The following RIMS4 variants were observed in gnomAD, a reference collection of about 807,000 sequenced individuals.
The protein encoded by RIMS4 is regulating synaptic membrane exocytosis protein 4.
A neutral mutation model predicts 29.0 loss-of-function variants in RIMS4; 9 were observed. That is an observed-to-expected ratio of 0.31 (90% confidence interval 0.19 to 0.54). The LOEUF (loss-of-function observed/expected upper bound fraction) is 0.54. Among genes scored for constraint, RIMS4 ranks in the 20% least tolerant of loss-of-function variants. The pLI is 0.94. For missense variants in RIMS4, 193 were observed against 365.7 expected (o/e 0.53, Z 3.85); for synonymous variants, 130 against 152.9 (o/e 0.85, Z 1.10).
chr20:44,760,124 C>T lies in RIMS4; in HGVS notation c.237-1940G>A, dbSNP rs1035567739. Among the ~76,000 whole-genome samples the T allele has an allele frequency of 9.4e-4, 143 of 152,300 alleles. 4 individuals carry two copies. The highest frequency in any genetic ancestry group is 5.2e-4 in the Admixed American group (8 of 15,302). ...CTATCCTGCCCCGAAACAGACAAAC[C>T]CTCAGCCTGGGAGAGCAGAGGAAGT... On this transcript the variant is annotated intron_variant, in intron 2 of 5. Transcript: ENST00000372851.
Position 44,756,039 on chromosome 20 carries a change from C to T in RIMS4, c.*95G>A. On this transcript the variant is annotated 3_prime_UTR_variant, in exon 6 of 6. Coordinates refer to ENST00000372851, the MANE Select transcript of RIMS4 (RefSeq NM_182970.4). The surrounding 1 kb of genome is among the most constrained non-coding windows in gnomAD (Gnocchi z 5.9). ...TGCTTCCCCACTGTGGGGGAGAGCCCCGTCCTCCTGTTCAATGTGCCCCTG... is the reference window on the plus strand; with the variant it reads ...TGCTTCCCCACTGTGGGGGAGAGCCTCGTCCTCCTGTTCAATGTGCCCCTG... The T allele has an allele frequency of 1.0e-6, 1 of 994,180 alleles. No individual in the cohort carries two copies. Among genetic ancestry groups the T allele is most frequent in the African/African-American group, 1.6e-5 (1 of 61,912 alleles). The allele number at this position is 994,180 out of a possible 1,614,324, so 61.6% of individuals were successfully genotyped here. A position where few individuals can be genotyped will look rare whatever the true frequency, so the allele number is the denominator to read the frequency against.
chr20:44,790,765 T>C (rs1038561340), intron 1 of RIMS4, among the ~76,000 whole-genome samples: 1 of 152,166 alleles, frequency 6.6e-6, no homozygotes, highest in South Asian at 2.1e-4. Context: ...AGACAGAACC[T>C]ACAAATTCTC....
At chr20:44,769,807 C>T (rs1176883029) in intron 2 of RIMS4, among the ~76,000 whole-genome samples, 1 of 152,212 alleles carries the variant, frequency 6.6e-6, no homozygotes, top group Non-Finnish European at 1.5e-5. Context: ...AAGCCCCCAG[C>T]TGAGGGGCAG....
chr20:44,793,056 G>T (rs1291113411), intron 1 of RIMS4, among the ~76,000 whole-genome samples: 1 of 152,116 alleles, frequency 6.6e-6, no homozygotes, highest in Non-Finnish European at 1.5e-5. Flanking sequence ...CCACCAGGAT[G>T]GGGGTAGGGA....
intron 2 of RIMS4, among the ~76,000 whole-genome samples, chr20:44,768,743 T>C (rs1007633914): frequency 6.6e-6 from 1 of 152,176 alleles, no homozygotes; most frequent in Non-Finnish European, 1.5e-5. Context: ...CTCAAGCCTT[T>C]TAGTAATCGT....
At chr20:44,762,389 A>G (rs1186176969) in intron 2 of RIMS4, among the ~76,000 whole-genome samples, 10 of 151,972 alleles carry the variant, frequency 6.6e-5, no homozygotes, top group Admixed American at 6.5e-4. Context: ...CCAGCCATCT[A>G]GGGGGCCAGC....
chr20:44,760,340 C>T (rs2066078792), intron 2 of RIMS4, among the ~76,000 whole-genome samples: 1 of 152,190 alleles, frequency 6.6e-6, no homozygotes, highest in Non-Finnish European at 1.5e-5. Context: ...ACAGAAATGG[C>T]TACTTGGGCT....
chr20:44,794,235 A>G (rs1415330802), intron 1 of RIMS4, among the ~76,000 whole-genome samples: 3 of 152,216 alleles, frequency 2.0e-5, no homozygotes, highest in African/African-American at 7.2e-5. Context: ...CAACAGATGT[A>G]CCAACCACTT....
chr20:44,774,360 A>G (rs1168452196), intron 1 of RIMS4, among the ~76,000 whole-genome samples: 1 of 152,140 alleles, frequency 6.6e-6, no homozygotes, highest in Non-Finnish European at 1.5e-5. Flanking sequence ...GGAGATTAAC[A>G]TTTGAGTCAG....
chr20:44,762,793 CG>C (rs1369511652), intron 2 of RIMS4, among the ~76,000 whole-genome samples: 1 of 152,154 alleles, frequency 6.6e-6, no homozygotes. Context: ...AATCCAACTG[CG>C]GGTCTTCCCT....
At chr20:44,764,278 C>T (rs987805286) in intron 2 of RIMS4, among the ~76,000 whole-genome samples, 23 of 135,198 alleles carry the variant, frequency 1.7e-4, no homozygotes, top group African/African-American at 5.4e-4. Context: ...ACCAAGCCTA[C>T]AATGCAATCA....
intron 3 of RIMS4, 82 bp downstream of exon 3, chr20:44,757,989 AG>A: frequency 9.0e-7 from 1 of 1,107,978 alleles, no homozygotes; most frequent in South Asian, 1.4e-5. Context: ...CAACAGGCAA[AG>A]GGGAAGGAGG....
chr20:44,756,122 C>G lies in RIMS4; in HGVS notation c.*12G>C. On this transcript the variant is annotated 3_prime_UTR_variant, in exon 6 of 6. Coordinates refer to ENST00000372851, the MANE Select transcript of RIMS4 (RefSeq NM_182970.4). The surrounding 1 kb of genome is among the most constrained non-coding windows in gnomAD (Gnocchi z 5.9). Reference sequence around the variant, plus strand: ...TCCAGGCCATCTTGGGGAGCCCCTCCCCATTCCAGCACTAAGATCGTTCTC... The same window carrying G: ...TCCAGGCCATCTTGGGGAGCCCCTCGCCATTCCAGCACTAAGATCGTTCTC... The G allele has an allele frequency of 6.3e-7, 1 of 1,579,588 alleles. No homozygotes were observed. Among genetic ancestry groups the G allele is most frequent in the Non-Finnish European group, 8.6e-7 (1 of 1,158,668 alleles).
chr20:44,800,385 G>A (rs2066272755), intron 1 of RIMS4, among the ~76,000 whole-genome samples: 1 of 151,942 alleles, frequency 6.6e-6, no homozygotes, highest in Admixed American at 6.6e-5. Flanking sequence ...ACAGCATAAA[G>A]CATTATAAAA....
intron 1 of RIMS4, among the ~76,000 whole-genome samples, chr20:44,792,980 C>T (rs1247680392): frequency 1.3e-5 from 2 of 152,120 alleles, no homozygotes; most frequent in African/African-American, 4.8e-5. Context: ...ACCCTGCTGG[C>T]ACTGGAGAAA....
intron 1 of RIMS4, among the ~76,000 whole-genome samples, chr20:44,785,750 C>CTTTTTTTTTT (rs969567189): frequency 8.1e-6 from 1 of 122,960 alleles, no homozygotes; most frequent in Non-Finnish European, 1.8e-5. Context: ...CATAGGTTTT[C>CTTTTTTTTTT]TTTTTTTTTT....
chr20:44,763,150 G>A (rs1375867871), intron 2 of RIMS4, among the ~76,000 whole-genome samples: 1 of 152,194 alleles, frequency 6.6e-6, no homozygotes, highest in Non-Finnish European at 1.5e-5. Flanking sequence ...CCCTACAGCA[G>A]GACTTACACT....
chr20:44,771,526 A>G lies in RIMS4; in HGVS notation c.98-113T>C. ...CAGCAGCTGGGGGCTGTCCAGCTTC[A>G]GCCTCCACCCTCAGCCCATCAACCT... On this transcript the variant is annotated intron_variant, in intron 1 of 5. Transcript: ENST00000372851. 4.2e-6 allele frequency: 5 copies of G among 1,191,078 alleles called. No homozygotes were observed. In the South Asian group the frequency reaches 5.9e-5, roughly 14 times the overall value. 73.8% of individuals were successfully genotyped at this position (1,191,078 alleles called of 1,614,324 possible).
rs980349977 is a variant in RIMS4 at position 44,810,299 on chromosome 20, CGCG to C, written c.-31_-29del. The C allele has an allele frequency of 2.2e-3, 2,074 of 953,594 alleles. No individual in the cohort carries two copies. The highest frequency in any genetic ancestry group is 2.4e-3 in the Non-Finnish European group (1,872 of 779,688). 59.1% of individuals were successfully genotyped at this position (953,594 alleles called of 1,614,324 possible). On this transcript the variant is annotated 5_prime_UTR_variant, in exon 1 of 6. Coordinates refer to ENST00000372851, the MANE Select transcript of RIMS4 (RefSeq NM_182970.4). Reference sequence around the variant, plus strand: ...CCGCGCCGGCGCCGGGCGCCTCGGCCGCGGCGGCGGCGGCGGCGGCGGGCGGCT... The same window carrying C: ...CCGCGCCGGCGCCGGGCGCCTCGGCCGCGGCGGCGGCGGCGGCGGGCGGCT...
Sources: allele counts gnomAD v4.1 joint callset (sites outside exome capture counted in the v4.1 genomes callset), GRCh38; gene constraint gnomAD v4.1.1; non-coding constraint Gnocchi (gnomAD v3.1); transcripts MANE v1.5; gene names NCBI Gene and HGNC (gene_info 2026-07-23, HGNC 2026-07-21).